Variants in MMP16 observed in about 807,000 individuals in gnomAD.
MMP16 encodes matrix metallopeptidase 16.
In MMP16, 12 loss-of-function variants were observed where a neutral mutation model predicts 67.8. The observed-to-expected ratio is 0.18, with a 90% confidence interval of 0.11 to 0.29. MMP16 has a LOEUF of 0.29. Ranked by LOEUF, MMP16 falls within the 10% of genes least tolerant of loss-of-function variation. The pLI is 1.00. For missense variants in MMP16, 475 were observed against 765.7 expected, an observed-to-expected ratio of 0.62 and a Z score of 4.48; for synonymous variants, 249 against 255.9, an observed-to-expected ratio of 0.97 and a Z score of 0.26.
At chr8:88,306,523 A>C (rs975184268) in intron 1 of MMP16, among the ~76,000 whole-genome samples, 2 of 152,166 alleles carry the variant, frequency 1.3e-5, no homozygotes, top group African/African-American at 4.8e-5. Flanking sequence ...GGATGTAAAA[A>C]TCCTCAGTAA....
At chr8:88,250,299 G>A (rs186578796) in intron 1 of MMP16, among the ~76,000 whole-genome samples, 4 of 152,060 alleles carry the variant, frequency 2.6e-5, no homozygotes, top group South Asian at 2.1e-4. Flanking sequence ...ACTTAAGAAC[G>A]GGTGGGCACA....
intron 2 of MMP16, among the ~76,000 whole-genome samples, chr8:88,190,611 G>A (rs1225365515): frequency 6.6e-6 from 1 of 152,114 alleles, no homozygotes; most frequent in Non-Finnish European, 1.5e-5. Context: ...GCACCAAAAT[G>A]TTAGTAGCAT....
intron 1 of MMP16, among the ~76,000 whole-genome samples, chr8:88,324,792 T>G (rs1234790146): frequency 6.6e-6 from 1 of 152,176 alleles, no homozygotes; most frequent in Non-Finnish European, 1.5e-5. Context: ...CAGAAATTTA[T>G]GTCAGAAAAC....
At chr8:88,215,327 A>T (rs550773801) in intron 1 of MMP16, among the ~76,000 whole-genome samples, 101 of 152,124 alleles carry the variant, frequency 6.6e-4, no homozygotes, top group Non-Finnish European at 1.3e-3. Context: ...GTCTAAAAAA[A>T]AAAAAAGTAG....
intron 1 of MMP16, among the ~76,000 whole-genome samples, chr8:88,279,220 CA>C (rs767410219): frequency 0.05 from 4,749 of 94,286 alleles, 58 homozygotes; most frequent in Middle Eastern, 0.076. Context: ...GACTCTGTCT[CA>C]AAAAAAAAAA....
intron 4 of MMP16, among the ~76,000 whole-genome samples, chr8:88,132,251 T>C (rs919669532): frequency 6.6e-6 from 1 of 151,944 alleles, no homozygotes; most frequent in African/African-American, 2.4e-5. Context: ...GGAAAGACTC[T>C]TTAAAATACG....
At chr8:88,120,308 G>A (rs1228253262) in intron 4 of MMP16, among the ~76,000 whole-genome samples, 1 of 151,998 alleles carries the variant, frequency 6.6e-6, no homozygotes, top group African/African-American at 2.4e-5. Context: ...GCACTCACAG[G>A]TGAGAGGATC....
At chr8:88,140,752 G>T (rs910103052) in intron 4 of MMP16, among the ~76,000 whole-genome samples, 1 of 151,996 alleles carries the variant, frequency 6.6e-6, no homozygotes, top group African/African-American at 2.4e-5. Context: ...AGAAAGAACT[G>T]CTGCCTACAA....
intron 7 of MMP16, among the ~76,000 whole-genome samples, chr8:88,068,323 T>C (rs564316617): frequency 6.6e-6 from 1 of 152,276 alleles, no homozygotes; most frequent in Admixed American, 6.5e-5. Context: ...CTTCATCATA[T>C]ACTTGGCTTG....
At chr8:88,263,481 TG>T (rs1455436493) in intron 1 of MMP16, among the ~76,000 whole-genome samples, 2 of 152,112 alleles carry the variant, frequency 1.3e-5, no homozygotes, top group Non-Finnish European at 2.9e-5. Context: ...TATCACAGAC[TG>T]GGTGGCTTAA....
Position 88,056,213 on chromosome 8 carries a change from G to C in MMP16, c.1288C>G (p.Leu430Val), listed in dbSNP as rs1186747588. The part of the protein sequence containing the change: ...QPGYPHDLIT[L>V]GSGIPPHGID... The stretch of plus-strand genomic sequence containing the variant: ...CCATGAGGGGGAATTCCACTTCCAA[G>C]GGTTATCAAGTCATGAGGGTAACCA... The change falls in exon 8 of 10, where the codon CTT becomes GTT. Residue 430 changes from leucine to valine, a missense_variant. Transcript: ENST00000286614. 1 of 1,600,878 alleles carries C rather than the reference G, an allele frequency of 6.2e-7. No individual in the cohort carries two copies. The highest frequency in any genetic ancestry group is 1.1e-5 in the South Asian group (1 of 89,266).
At chr8:88,149,654 T>C (rs1380748542) in intron 4 of MMP16, among the ~76,000 whole-genome samples, 1 of 151,158 alleles carries the variant, frequency 6.6e-6, no homozygotes, top group African/African-American at 2.4e-5. Context: ...GAGGGTGCTG[T>C]CTGTTAGAAG....
chr8:88,073,309 T>G (rs1288121630), intron 7 of MMP16, among the ~76,000 whole-genome samples: 2 of 152,188 alleles, frequency 1.3e-5, no homozygotes, highest in Admixed American at 1.3e-4. Context: ...GCAAGAAAAT[T>G]AATAGCAATC....
intron 1 of MMP16, among the ~76,000 whole-genome samples, chr8:88,310,747 A>T (rs545704250): frequency 2.0e-5 from 3 of 152,288 alleles, no homozygotes; most frequent in Admixed American, 2.0e-4. Flanking sequence ...AATTTGTTCT[A>T]ATGTACTGAA....
At chr8:88,195,112 C>T (rs1240569301) in intron 2 of MMP16, among the ~76,000 whole-genome samples, 1 of 152,038 alleles carries the variant, frequency 6.6e-6, no homozygotes, top group Non-Finnish European at 1.5e-5. Flanking sequence ...CTGTTCAGAC[C>T]CCTTTCCATA....
chr8:88,175,448 C>T (rs757318971), intron 3 of MMP16, among the ~76,000 whole-genome samples: 1 of 152,096 alleles, frequency 6.6e-6, no homozygotes, highest in African/African-American at 2.4e-5. Context: ...ATAATGCTTT[C>T]GATACACTAG....
At chr8:88,182,550 A>C (rs958958894) in intron 3 of MMP16, among the ~76,000 whole-genome samples, 4 of 152,152 alleles carry the variant, frequency 2.6e-5, no homozygotes, top group Non-Finnish European at 5.9e-5. Flanking sequence ...TACACTGACA[A>C]CACCATATGC....
chr8:88,293,001 AG>A (rs1235987884), intron 1 of MMP16, among the ~76,000 whole-genome samples: 1 of 152,230 alleles, frequency 6.6e-6, no homozygotes, highest in East Asian at 1.9e-4. Context: ...AGGAGTTCAC[AG>A]TGCCTTCATG....
intron 8 of MMP16, among the ~76,000 whole-genome samples, chr8:88,054,917 A>G (rs1162589972): frequency 1.3e-5 from 2 of 152,182 alleles, no homozygotes; most frequent in East Asian, 3.8e-4. Context: ...CATGTTGGAC[A>G]TTAAAGCCTG....
Sources: gnomAD v4.1 joint callset for allele counts (sites outside exome capture counted in the v4.1 genomes callset) on GRCh38, gnomAD v4.1.1 for gene constraint, MANE v1.5 for transcripts, NCBI Gene and HGNC (gene_info 2026-07-23, HGNC 2026-07-21) for gene names.